ATP6V1B1: variants seen among roughly 807,000 people sequenced by gnomAD.
ATP6V1B1 encodes ATPase H+ transporting V1 subunit B1.
ATP6V1B1 carries 41 observed loss-of-function variants against 62.1 expected under a neutral mutation model. The ratio of observed to expected loss-of-function variants is 0.66; its 90% CI spans 0.51 to 0.86. ATP6V1B1 has a LOEUF of 0.86. ATP6V1B1 is among the 40% of genes least tolerant of loss of function. The pLI, the probability that ATP6V1B1 is intolerant of heterozygous loss-of-function variation, is 0.00. For missense variants in ATP6V1B1, 651 were observed against 697.5 expected (o/e 0.93, Z 0.75); for synonymous variants, 253 against 273.4 (o/e 0.93, Z 0.74).
intron 7 of ATP6V1B1, 34 bp from the exon 8 acceptor site, chr2:70,961,562 G>A (rs375631790): frequency 6.2e-7 from 1 of 1,608,644 alleles, no homozygotes; most frequent in Non-Finnish European, 8.5e-7. Flanking sequence ...AGGCCACAGG[G>A]CCCTACCTCC....
At chr2:70,962,536 C>T (rs546519972) in intron 8 of ATP6V1B1, among the ~76,000 whole-genome samples, 2 of 152,216 alleles carry the variant, frequency 1.3e-5, no homozygotes, top group African/African-American at 4.8e-5. Context: ...CAACTTGCCT[C>T]CTGGCCTCAG....
intron 1 of ATP6V1B1, chr2:70,938,821 G>A (rs1327888620): frequency 1.0e-6 from 1 of 983,364 alleles, no homozygotes; most frequent in Non-Finnish European, 1.2e-6. Context: ...AGGAGCAAAG[G>A]TCAGGAAGGA....
At chr2:70,962,625 G>A in intron 8 of ATP6V1B1, 152 bp from the exon 9 acceptor site, 1 of 1,294,254 alleles carries the variant, frequency 7.7e-7, no homozygotes, top group Middle Eastern at 2.6e-4. Context: ...CATGGCCCTG[G>A]CCTAGGGGAT....
At chr2:70,957,091 T>C (rs1477438773) in intron 2 of ATP6V1B1, among the ~76,000 whole-genome samples, 3 of 126,988 alleles carry the variant, frequency 2.4e-5, no homozygotes, top group African/African-American at 7.8e-5. Flanking sequence ...CTTCTTCTTT[T>C]TTTTTTTTTT....
rs145179955 is a variant in ATP6V1B1 at position 70,961,253 on chromosome 2, TG to T, written c.687+236del. ...CCTGAAGGAGGGGAAGCCAGGGGAT[TG>T]GGGGAAAAAAGATAGCTTCAGGAAC... On this transcript the variant is annotated intron_variant, in intron 7 of 13. Transcript: ENST00000234396. Among the ~76,000 whole-genome samples the T allele has an allele frequency of 0.038, 5,709 of 151,946 alleles. 358 individuals are homozygous for T. Among genetic ancestry groups the T allele is most frequent in the African/African-American group, 0.13 (5,474 of 41,394 alleles).
At position 70,960,912 on chromosome 2, in the gene ATP6V1B1, C is replaced by A; in HGVS notation, c.586-9C>A. On this transcript the variant is annotated splice_polypyrimidine_tract_variant and intron_variant, in intron 6 of 13. Coordinates refer to ENST00000234396, the MANE Select transcript of ATP6V1B1 (RefSeq NM_001692.4). ...CTGACGTCCTCCTGCCCAATCCACT[C>A]TGCCCTAGATTGCCGCTCAGATCTG... is the stretch of plus-strand genomic sequence containing the variant. The A allele has an allele frequency of 1.2e-6, 2 of 1,602,982 alleles. No homozygotes were observed. Among genetic ancestry groups the A allele is most frequent in the Non-Finnish European group, 1.7e-6 (2 of 1,174,614 alleles).
chr2:70,964,114 A>ATGTTTTTTTTTTTT, intron 11 of ATP6V1B1: 1 of 123,586 alleles, frequency 8.1e-6, no homozygotes, highest in Non-Finnish European at 1.3e-5. Flanking sequence ...CTTGGCAGGT[A>ATGTTTTTTTTTTTT]TTTTTTTTTT....
rs1553416787 is a variant in ATP6V1B1, at chr2:70,943,670, TGTGCAGCGTGAACGGGCCCCTGGTG to T, written c.136_160del (p.Ser46TrpfsTer110). 2 of 1,613,868 alleles carry T rather than the reference TGTGCAGCGTGAACGGGCCCCTGGTG, an allele frequency of 1.2e-6. No individual in the cohort carries two copies. Among genetic ancestry groups the T allele is most frequent in the South Asian group, 2.2e-5 (2 of 91,084 alleles). On this transcript the variant is annotated frameshift_variant, in exon 2 of 14. Transcript: ENST00000234396. LOFTEE classifies it high-confidence loss of function. ...GCCCCTCCCCCAGCCTACAGGACTG[TGTGCAGCGTGAACGGGCCCCTGGTG>T]GTGCTGGACCGGGTCAAGGTAAGAC... is the stretch of plus-strand genomic sequence containing the variant.
rs545034098 is a variant in ATP6V1B1, at chr2:70,960,030, C to G, written c.537C>G (p.Arg179=). The G allele has an allele frequency of 3.1e-6, 5 of 1,614,218 alleles. No individual in the cohort carries two copies. In the African/African-American group the frequency reaches 5.3e-5, roughly 17 times the overall value. ...SPIDVMNSIA[R]GQKIPIFSAA... ...TTGACGTCATGAACAGCATTGCCCG[C>G]GGCCAGAAGATCCCCATCTTCTCAG... is the stretch of plus-strand genomic sequence containing the variant. Residue 179 remains arginine, a synonymous_variant, in exon 6 of 14, where the codon CGC becomes CGG. Transcript: ENST00000234396.
chr2:70,943,813 GC>G (rs1680074701), intron 2 of ATP6V1B1, 100 bp downstream of exon 2: 2 of 1,477,158 alleles, frequency 1.4e-6, no homozygotes, highest in Non-Finnish European at 1.9e-6. Flanking sequence ...TCCCTCCATG[GC>G]CCCCAGGGCC....
At chr2:70,962,753 C>A in intron 8 of ATP6V1B1, 24 bp from the exon 9 acceptor site, 1 of 1,612,706 alleles carries the variant, frequency 6.2e-7, no homozygotes, top group South Asian at 1.1e-5. Flanking sequence ...TCCAGGCTCT[C>A]TAAACACCTG....
intron 2 of ATP6V1B1, among the ~76,000 whole-genome samples, chr2:70,946,302 G>A (rs1224753658): frequency 6.6e-6 from 1 of 152,172 alleles, no homozygotes; most frequent in Non-Finnish European, 1.5e-5. Flanking sequence ...TGTAAGGGAC[G>A]CCCCAGGAGG....
At position 70,943,645 on chromosome 2, in the gene ATP6V1B1, G is replaced by A. The variant is rs375384448; in HGVS notation, c.119-13G>A. 1.4e-5 allele frequency: 23 copies of A among 1,613,320 alleles called. No homozygotes were observed. Among genetic ancestry groups the A allele is most frequent in the African/African-American group, 2.7e-5 (2 of 74,992 alleles). ...TGGGGTGAGACCCCTACTCACCCCC[G>A]CCCCTCCCCCAGCCTACAGGACTGT... is the stretch of plus-strand genomic sequence containing the variant. On this transcript the variant is annotated splice_polypyrimidine_tract_variant and intron_variant, in intron 1 of 13. Transcript: ENST00000234396.
intron 2 of ATP6V1B1, among the ~76,000 whole-genome samples, chr2:70,948,885 T>TA (rs2104814053): frequency 6.6e-6 from 1 of 152,278 alleles, no homozygotes; most frequent in East Asian, 1.9e-4. Flanking sequence ...GAGTGGTCCC[T>TA]ACTTGGTCAC....
Position 70,964,785 on chromosome 2 carries a change from T to C in ATP6V1B1, c.1298T>C (p.Val433Ala), listed in dbSNP as rs149910460. ...GKDVQAMKAV[V>A]GEEALTSEDL... ...GACGTGCAGGCCATGAAGGCAGTAG[T>C]TGGGGAGGAGGCGCTCACCTCTGAG... Residue 433 changes from valine to alanine, a missense_variant, in exon 13 of 14, where the codon GTT (valine) becomes GCT (alanine). Val to Ala is a moderately conservative substitution (Grantham distance 64). Coordinates refer to ENST00000234396, the MANE Select transcript of ATP6V1B1 (RefSeq NM_001692.4). 6.4e-5 allele frequency: 103 copies of C among 1,613,904 alleles called. No homozygotes were observed. Among genetic ancestry groups the C allele is most frequent in the African/African-American group, 2.1e-4 (16 of 74,986 alleles).
intron 4 of ATP6V1B1, 89 bp downstream of exon 4, chr2:70,958,515 C>A: frequency 8.0e-7 from 1 of 1,250,882 alleles, no homozygotes; most frequent in Non-Finnish European, 1.2e-6. Context: ...ACTACACTGT[C>A]ACTTCCTGTT....
intron 2 of ATP6V1B1, among the ~76,000 whole-genome samples, chr2:70,945,703 T>TAG (rs1403857786): frequency 2.2e-4 from 12 of 55,522 alleles, no homozygotes; most frequent in Non-Finnish European, 3.0e-4. Flanking sequence ...TTTGAAGAGA[T>TAG]ATATATATAT....
At chr2:70,964,643 T>A (rs1572924307) in intron 12 of ATP6V1B1, 93 bp from the exon 13 acceptor site, 1 of 1,612,664 alleles carries the variant, frequency 6.2e-7, no homozygotes, top group East Asian at 2.2e-5. Context: ...GCAAAATTCC[T>A]TTCCGAACGG....
intron 1 of ATP6V1B1, chr2:70,941,797 A>G: frequency 1.0e-6 from 1 of 985,728 alleles, no homozygotes; most frequent in Non-Finnish European, 1.2e-6. Flanking sequence ...GTCCTCCAGC[A>G]CCCAAAGGTC....
Sources: allele counts gnomAD v4.1 joint callset (sites outside exome capture counted in the v4.1 genomes callset), GRCh38; gene constraint gnomAD v4.1.1; transcripts MANE v1.5; gene names NCBI Gene and HGNC (gene_info 2026-07-23, HGNC 2026-07-21).